LSS: variants seen among roughly 807,000 people sequenced by gnomAD.
LSS encodes the protein 2,3-epoxysqualene-lanosterol cyclase.
In LSS, 90 loss-of-function variants were observed where a neutral mutation model predicts 110.3. The ratio of observed to expected loss-of-function variants is 0.82; its 90% CI spans 0.69 to 0.97. LSS has a LOEUF of 0.97. Among genes scored for constraint, LSS ranks in the 50% least tolerant of loss-of-function variants. The pLI is 0.00. For synonymous variants in LSS, 433 were observed against 400.0 expected (o/e 1.08, Z -0.98); for missense variants, 927 against 990.0 (o/e 0.94, Z 0.85).
At chr21:46,204,629 A>AAAAAG (rs562044132) in intron 17 of LSS, among the ~76,000 whole-genome samples, 6,099 of 151,628 alleles carry the variant, frequency 0.04, 182 homozygotes, top group Non-Finnish European at 0.062. Context: ...TCTCAAAAAA[A>AAAAAG]AAAGAAAGAA....
Position 46,209,477 on chromosome 21 carries a change from G to C in LSS, c.1266+77C>G. ...AAATAGGGCAGGGTGGAGGTGAGGT[G>C]GGCACTTCTGCCTGCAGGAGCTCCC... On this transcript the variant is annotated intron_variant, in intron 13 of 21. Coordinates refer to ENST00000397728, the MANE Select transcript of LSS (RefSeq NM_002340.6). The surrounding 1 kb of genome is among the most constrained non-coding windows in gnomAD (Gnocchi z 4.4). 1 of 1,324,506 alleles carries C rather than the reference G, an allele frequency of 7.5e-7. No homozygotes were observed. The highest frequency in any genetic ancestry group is 2.6e-5 in the East Asian group (1 of 39,104). The allele number at this position is 1,324,506 out of a possible 1,614,324, so 82.0% of individuals were successfully genotyped here. A position where few individuals can be genotyped will look rare whatever the true frequency, so the allele number is the denominator to read the frequency against.
chr21:46,223,380 C>A (rs894748583), intron 3 of LSS, among the ~76,000 whole-genome samples: 15 of 152,144 alleles, frequency 9.9e-5, no homozygotes, highest in Non-Finnish European at 1.9e-4. Flanking sequence ...CAGCCATGTG[C>A]CCCCAGAGCC....
rs2079801165 is a variant in LSS, at chr21:46,190,909, C to A, written c.*195G>T. 1.7e-6 allele frequency: 1 copy of A among 588,348 alleles called. No homozygotes were observed. The highest frequency in any genetic ancestry group is 2.9e-6 in the Non-Finnish European group (1 of 347,890). 36.4% of individuals were successfully genotyped at this position (588,348 alleles called of 1,614,324 possible). On this transcript the variant is annotated 3_prime_UTR_variant, in exon 22 of 22. Transcript: ENST00000397728. This position sits in a 1 kb window ranked among gnomAD's most constrained non-coding sequence, Gnocchi z 4.6. ...CAAGCTACTTTCAGAAATGAACCTA[C>A]AGTAAAAATCAAGAGTCTAAGCCAC...
rs886893569 is a variant in LSS, at chr21:46,216,528, G to A, written c.648-4C>T. 1.2e-5 allele frequency: 19 copies of A among 1,597,158 alleles called. No individual in the cohort carries two copies. The highest frequency in any genetic ancestry group is 5.4e-5 in the African/African-American group (4 of 74,688). On this transcript the variant is annotated splice_region_variant and splice_polypyrimidine_tract_variant and intron_variant, in intron 6 of 21. Coordinates refer to ENST00000397728, the MANE Select transcript of LSS (RefSeq NM_002340.6). This position sits in a 1 kb window ranked among gnomAD's most constrained non-coding sequence, Gnocchi z 4.2. ...CGGTGCCCAGTCAGGAAACAGCCTG[G>A]GGCAACAGCAGGAGTCAGTGGGAGA...
chr21:46,220,682 G>A (rs1395850036), intron 5 of LSS, among the ~76,000 whole-genome samples: 2 of 152,220 alleles, frequency 1.3e-5, no homozygotes, highest in African/African-American at 2.4e-5. Context: ...GGAGCAGCAG[G>A]AGCCATGGAT....
In LSS at chr21:46,219,584, G is replaced by T; in HGVS notation, c.551-12C>A. 1 of 1,538,658 alleles carries T rather than the reference G, an allele frequency of 6.5e-7. No homozygotes were observed. Among genetic ancestry groups the T allele is most frequent in the Non-Finnish European group, 8.8e-7 (1 of 1,130,596 alleles). ...GGCCACAGCACCACCTGAGCGGGGA[G>T]AGAATAGGCCCACGTCATCTGCTTC... is the stretch of plus-strand genomic sequence containing the variant. On this transcript the variant is annotated splice_polypyrimidine_tract_variant and intron_variant, in intron 5 of 21. Coordinates refer to ENST00000397728, the MANE Select transcript of LSS (RefSeq NM_002340.6).
chr21:46,214,261 C>G (rs1041116889), intron 9 of LSS, among the ~76,000 whole-genome samples: 2 of 152,230 alleles, frequency 1.3e-5, no homozygotes, highest in Admixed American at 6.5e-5. Context: ...TTCCTCAGAA[C>G]AGAATGTTCC....
At position 46,228,431 on chromosome 21, in the gene LSS, T is replaced by TA. The variant is rs1417688653; in HGVS notation, c.180+2dup. On this transcript the variant is annotated splice_region_variant and intron_variant, in intron 2 of 21. Coordinates refer to ENST00000397728, the MANE Select transcript of LSS (RefSeq NM_002340.6). ...TCGCTGACGCTCCGCGGAAGCAACT[T>TA]ACGGTGTCCAGCCCCAGGGCGTAGG... 1.2e-6 allele frequency: 2 copies of TA among 1,601,822 alleles called. No homozygotes were observed. Among genetic ancestry groups the TA allele is most frequent in the Non-Finnish European group, 1.7e-6 (2 of 1,179,458 alleles).
At chr21:46,227,354 C>G in intron 3 of LSS, 198 bp downstream of exon 3, 3 of 610,410 alleles carry the variant, frequency 4.9e-6, no homozygotes, top group Non-Finnish European at 8.4e-6. Flanking sequence ...GAGAGCCTGT[C>G]ACCCTACACT....
chr21:46,222,531 C>T (rs2123759636), intron 4 of LSS, 99 bp downstream of exon 4: 1 of 1,068,202 alleles, frequency 9.4e-7, no homozygotes, highest in South Asian at 1.5e-5. Flanking sequence ...GCTGCAATCA[C>T]TCCTAACCCC....
intron 4 of LSS, chr21:46,222,234 T>C: frequency 9.1e-6 from 5 of 548,824 alleles, no homozygotes; most frequent in Non-Finnish European, 1.6e-5. Context: ...TCAACACTTC[T>C]AGCTCAAGGG....
chr21:46,196,797 C>A (rs541884031), intron 17 of LSS, among the ~76,000 whole-genome samples: 5 of 152,224 alleles, frequency 3.3e-5, no homozygotes, highest in African/African-American at 1.2e-4. Flanking sequence ...GTCCTGGGAC[C>A]GAGGTCTGTG....
chr21:46,215,344 C>T (rs774548422), intron 8 of LSS, 46 bp from the exon 9 acceptor site: 3 of 1,355,670 alleles, frequency 2.2e-6, no homozygotes, highest in Middle Eastern at 2.4e-4. Context: ...ATGACACTGG[C>T]CTCAGCCTGG....
chr21:46,224,296 C>T (rs923268046), intron 3 of LSS, among the ~76,000 whole-genome samples: 1 of 152,222 alleles, frequency 6.6e-6, no homozygotes, highest in East Asian at 1.9e-4. Context: ...CACTCTTTAC[C>T]CTGCCCCTTT....
At chr21:46,198,537 A>C (rs990509652) in intron 17 of LSS, among the ~76,000 whole-genome samples, 9 of 152,296 alleles carry the variant, frequency 5.9e-5, no homozygotes, top group Admixed American at 3.3e-4. Context: ...ACTGACTCTA[A>C]AATGTATATG....
intron 17 of LSS, among the ~76,000 whole-genome samples, chr21:46,204,759 T>G (rs1364997089): frequency 6.6e-6 from 1 of 152,196 alleles, no homozygotes; most frequent in Non-Finnish European, 1.5e-5. Context: ...TTATGAATAT[T>G]ACATAAATTC....
At chr21:46,222,592 A>G in intron 4 of LSS, 38 bp downstream of exon 4, 1 of 1,551,464 alleles carries the variant, frequency 6.4e-7, no homozygotes, top group East Asian at 2.2e-5. Flanking sequence ...GAACACACAC[A>G]TGCACATGTG....
chr21:46,227,648 C>G lies in LSS; in HGVS notation c.223G>C (p.Glu75Gln), dbSNP rs757521800. 2 of 1,613,586 alleles carry G rather than the reference C, an allele frequency of 1.2e-6. No individual in the cohort carries two copies. The highest frequency in any genetic ancestry group is 1.7e-6 in the Non-Finnish European group (2 of 1,179,930). The change falls in exon 3 of 22, where the codon GAG becomes CAG. Residue 75 changes from glutamate to glutamine, a missense_variant. By Grantham distance (29) the Glu-to-Gln change is conservative. Transcript: ENST00000397728. Reference sequence around the variant, plus strand: ...AATGTCATCCCGTTCAGAGCCCCCTCAAAGGCGGTGTGGGCTTTGGGCAAG... The same window carrying G: ...AATGTCATCCCGTTCAGAGCCCCCTGAAAGGCGGTGTGGGCTTTGGGCAAG... ...KDLPKAHTAF[E>Q]GALNGMTFYV...
chr21:46,204,484 G>T (rs1160529250), intron 17 of LSS, among the ~76,000 whole-genome samples: 1 of 151,646 alleles, frequency 6.6e-6, no homozygotes, highest in Non-Finnish European at 1.5e-5. Context: ...GAACAACTTT[G>T]CATGAATCAG....
Sources: gnomAD v4.1 joint callset for allele counts (sites outside exome capture counted in the v4.1 genomes callset) on GRCh38, gnomAD v4.1.1 for gene constraint, Gnocchi (gnomAD v3.1) non-coding constraint, MANE v1.5 for transcripts, NCBI Gene and HGNC (gene_info 2026-07-23, HGNC 2026-07-21) for gene names.